Variants in ASTN2 observed in about 807,000 individuals in gnomAD.
The protein encoded by ASTN2 is astrotactin-2.
A neutral mutation model predicts 139.8 loss-of-function variants in ASTN2; 54 were observed. That is an observed-to-expected ratio of 0.39 (90% CI 0.31 to 0.48). The LOEUF is 0.48. ASTN2 is among the 20% of genes least tolerant of loss of function. ASTN2 has a pLI of 0.95. For missense variants in ASTN2, 1,565 were observed against 1,725.1 expected (o/e 0.91, Z 1.64); for synonymous variants, 756 against 719.5 (o/e 1.05, Z -0.81).
chr9:117,088,887 G>C (rs540474599), intron 5 of ASTN2, among the ~76,000 whole-genome samples: 1 of 152,306 alleles, frequency 6.6e-6, no homozygotes, highest in Admixed American at 6.5e-5. Context: ...TGCCTGCACT[G>C]CTGAAATGAT....
chr9:116,850,899 A>C (rs1355012865), intron 11 of ASTN2, among the ~76,000 whole-genome samples: 1 of 152,210 alleles, frequency 6.6e-6, no homozygotes, highest in Non-Finnish European at 1.5e-5. Context: ...ATCATTGTGC[A>C]GAAAGGAAGG....
At chr9:116,530,233 T>C (rs1851286550) in intron 19 of ASTN2, among the ~76,000 whole-genome samples, 1 of 147,552 alleles carries the variant, frequency 6.8e-6, no homozygotes, top group Non-Finnish European at 1.5e-5. Flanking sequence ...TTATGTTAAG[T>C]GAAATAAGCT....
chr9:116,988,559 T>C (rs2132547523), intron 7 of ASTN2, among the ~76,000 whole-genome samples: 1 of 152,294 alleles, frequency 6.6e-6, no homozygotes, highest in East Asian at 1.9e-4. Flanking sequence ...GTCCTGATTT[T>C]ATACAGGAGG....
In ASTN2 at chr9:116,620,349, G is replaced by T; in HGVS notation, c.3167C>A (p.Ala1056Asp). The change falls in exon 18 of 23, where the codon GCC (alanine) becomes GAC (aspartate). Residue 1056 changes from alanine (A) to aspartate (D), a missense_variant. Coordinates refer to ENST00000313400, the MANE Select transcript of ASTN2 (RefSeq NM_001365068.1). ...GGGGCTGCAGTTGGGGAGCCCATTG[G>T]CATCAAAGGCGCTGAGGTCACACCT... is the stretch of plus-strand genomic sequence containing the variant. Reference protein sequence around the residue: ...WCRCDLSAFDANGLPNCSPLL... With the variant: ...WCRCDLSAFDDNGLPNCSPLL... The T allele has an allele frequency of 6.2e-7, 1 of 1,614,148 alleles. No individual in the cohort carries two copies. Among genetic ancestry groups the T allele is most frequent in the Non-Finnish European group, 8.5e-7 (1 of 1,180,032 alleles).
intron 10 of ASTN2, among the ~76,000 whole-genome samples, chr9:116,875,737 A>C (rs1397950332): frequency 6.6e-6 from 1 of 152,208 alleles, no homozygotes; most frequent in Non-Finnish European, 1.5e-5. Flanking sequence ...CTAGTTTACC[A>C]TTATAAAAGC....
rs748277908 is a variant in ASTN2 at position 116,620,403 on chromosome 9, C to T, written c.3113G>A (p.Gly1038Glu). The change falls in exon 18 of 23, where the codon GGG (glycine) becomes GAG (glutamate). Residue 1038 changes from glycine (G) to glutamate (E), a missense_variant. By Grantham distance (98) the Gly-to-Glu change is moderately conservative. Coordinates refer to ENST00000313400, the MANE Select transcript of ASTN2 (RefSeq NM_001365068.1). ...CCAGTCATCGATCACATCCCCTTTC[C>T]CTGAGCACCAGTAGGAACTCATCAG... ...SALMSSYWCS[G>E]KGDVIDDWCR... 7.4e-6 allele frequency: 12 copies of T among 1,614,150 alleles called. No homozygotes were observed. In the South Asian group the frequency reaches 1.3e-4, roughly 18 times the overall value.
chr9:116,990,092 T>C (rs1481258878), intron 7 of ASTN2, among the ~76,000 whole-genome samples: 2 of 152,098 alleles, frequency 1.3e-5, no homozygotes, highest in Non-Finnish European at 2.9e-5. Flanking sequence ...CCAAGTAAAA[T>C]CCCCAAATCC....
At chr9:116,565,388 C>CTCTCTCTCTCTCTCTCTCTCT (rs1564120372) in intron 19 of ASTN2, among the ~76,000 whole-genome samples, 4 of 34,022 alleles carry the variant, frequency 1.2e-4, no homozygotes, top group Non-Finnish European at 1.9e-4. Flanking sequence ...TCTCTCTCTC[C>CTCTCTCTCTCTCTCTCTCTCT]ATATATATAT....
Position 116,618,326 on chromosome 9 carries a change from G to T in ASTN2, c.3353C>A (p.Thr1118Lys). 6.2e-7 allele frequency: 1 copy of T among 1,613,476 alleles called. No homozygotes were observed. Reference protein sequence around the residue: ...VDEYTDTDLYTGEFLSFADDL... With the variant: ...VDEYTDTDLYKGEFLSFADDL... Reference sequence around the variant, plus strand: ...AAAATGGGAACTCATGTACCTACCTGTGTACAGGTCAGTGTCTGTGTATTC... The same window carrying T: ...AAAATGGGAACTCATGTACCTACCTTTGTACAGGTCAGTGTCTGTGTATTC... Residue 1118 changes from threonine to lysine, a missense_variant and splice_region_variant, in exon 19 of 23, where the codon ACA becomes AAA. Coordinates refer to ENST00000313400, the MANE Select transcript of ASTN2 (RefSeq NM_001365068.1).
chr9:116,448,333 G>A lies in ASTN2; in HGVS notation c.3498-5780C>T, dbSNP rs144358334. 4.2e-3 allele frequency among the ~76,000 whole-genome samples: 634 copies of A among 151,514 alleles called. 8 individuals are homozygous for A. The highest frequency in any genetic ancestry group is 6.8e-3 in the Middle Eastern group (2 of 294). ...TTTCCAGCACAATGTGGCAGACAGG[G>A]GCAGTAGGAAAAGCACCTAGTCCCA... On this transcript the variant is annotated intron_variant, in intron 20 of 22. Coordinates refer to ENST00000313400, the MANE Select transcript of ASTN2 (RefSeq NM_001365068.1).
chr9:117,245,592 G>A (rs866022765), intron 2 of ASTN2, among the ~76,000 whole-genome samples: 1 of 152,302 alleles, frequency 6.6e-6, no homozygotes. Flanking sequence ...TGGGTGCAGG[G>A]CCAGGAGGCA....
At chr9:116,821,862 T>C (rs1188162172) in intron 11 of ASTN2, among the ~76,000 whole-genome samples, 1 of 152,106 alleles carries the variant, frequency 6.6e-6, no homozygotes, top group East Asian at 1.9e-4. Flanking sequence ...CAGATGGCTA[T>C]TGATTAAATT....
At chr9:116,569,301 T>G (rs549365433) in intron 19 of ASTN2, among the ~76,000 whole-genome samples, 6 of 152,228 alleles carry the variant, frequency 3.9e-5, no homozygotes, top group Non-Finnish European at 8.8e-5. Context: ...ACAAATATAG[T>G]GCAGGCCTAA....
At chr9:117,254,174 A>G (rs1833619702) in intron 2 of ASTN2, among the ~76,000 whole-genome samples, 1 of 152,156 alleles carries the variant, frequency 6.6e-6, no homozygotes, top group South Asian at 2.1e-4. Context: ...GGTACCATAG[A>G]ATGATGGTAT....
chr9:116,440,453 C>T (rs536744076), intron 22 of ASTN2, among the ~76,000 whole-genome samples, 156 bp downstream of exon 22: 2 of 152,334 alleles, frequency 1.3e-5, no homozygotes, highest in African/African-American at 4.8e-5. Flanking sequence ...TTCATTATCT[C>T]TGCCTATTTT....
chr9:116,622,130 T>G (rs1444174196), intron 17 of ASTN2, among the ~76,000 whole-genome samples: 2 of 152,250 alleles, frequency 1.3e-5, no homozygotes, highest in African/African-American at 4.8e-5. Context: ...TGTCACTTTT[T>G]TCATTCTGCA....
chr9:117,239,140 C>T (rs180997119), intron 2 of ASTN2, among the ~76,000 whole-genome samples: 1 of 152,272 alleles, frequency 6.6e-6, no homozygotes, highest in East Asian at 1.9e-4. Flanking sequence ...GTCATTTCTT[C>T]ATTTGGGGAA....
chr9:117,396,941 C>CTT (rs58488186), intron 1 of ASTN2, among the ~76,000 whole-genome samples: 1 of 111,118 alleles, frequency 9.0e-6, no homozygotes, highest in Non-Finnish European at 1.9e-5. Flanking sequence ...TCCACTCAAG[C>CTT]TTTTTTTTTT....
At chr9:116,774,026 A>T (rs1830018993) in intron 13 of ASTN2, among the ~76,000 whole-genome samples, 1 of 152,210 alleles carries the variant, frequency 6.6e-6, no homozygotes, top group Non-Finnish European at 1.5e-5. Flanking sequence ...CTGTAAGTAC[A>T]TGAGTGGTCT....
Sources: allele counts gnomAD v4.1 joint callset (sites outside exome capture counted in the v4.1 genomes callset), GRCh38; gene constraint gnomAD v4.1.1; transcripts MANE v1.5; gene names NCBI Gene and HGNC (gene_info 2026-07-23, HGNC 2026-07-21).